Variants in JAK2 observed in about 807,000 individuals in gnomAD.
JAK2 encodes tyrosine-protein kinase JAK2.
In JAK2, 86 loss-of-function variants were observed where a neutral mutation model predicts 139.3. That is an observed-to-expected ratio of 0.62 (90% CI 0.52 to 0.74). The LOEUF (loss-of-function observed/expected upper bound fraction) is 0.74. Among genes scored for constraint, JAK2 ranks in the 30% least tolerant of loss-of-function variants. JAK2 has a pLI of 0.00. For missense variants in JAK2, 1,421 were observed against 1,360.3 expected (o/e 1.04, Z -0.70); for synonymous variants, 490 against 437.7 (o/e 1.12, Z -1.49).
chr9:5,084,162 A>G (rs1048517250), intron 19 of JAK2, among the ~76,000 whole-genome samples: 1 of 152,194 alleles, frequency 6.6e-6, no homozygotes, highest in Non-Finnish European at 1.5e-5. Context: ...AAATACATGT[A>G]CAATGAAATA....
chr9:5,001,778 C>G (rs1444212103), intron 2 of JAK2, among the ~76,000 whole-genome samples: 1 of 152,004 alleles, frequency 6.6e-6, no homozygotes, highest in East Asian at 1.9e-4. Flanking sequence ...AGTTGACAGA[C>G]TTTCCCAGGG....
intron 2 of JAK2, among the ~76,000 whole-genome samples, chr9:5,004,588 C>T (rs1821148995): frequency 6.6e-6 from 1 of 152,130 alleles, no homozygotes; most frequent in South Asian, 2.1e-4. Flanking sequence ...AATAATGCTG[C>T]AATGAGCATG....
intron 2 of JAK2, among the ~76,000 whole-genome samples, chr9:5,001,579 C>T (rs1203687075): frequency 3.4e-4 from 51 of 150,026 alleles, no homozygotes; most frequent in Non-Finnish European, 3.0e-5. Context: ...GCTCCTGGTT[C>T]TATGTTCTAT....
At chr9:5,041,431 C>A in intron 4 of JAK2, 1 of 626,788 alleles carries the variant, frequency 1.6e-6, no homozygotes, top group South Asian at 1.6e-5. Flanking sequence ...TGTTCATGTA[C>A]TTCCTGTGCA....
chr9:5,068,309 C>G (rs965434042), intron 10 of JAK2, among the ~76,000 whole-genome samples: 1 of 151,758 alleles, frequency 6.6e-6, no homozygotes, highest in African/African-American at 2.4e-5. Context: ...AATAGGTGAA[C>G]AAGTTCATAA....
chr9:5,003,382 C>A lies in JAK2; in HGVS notation c.-26+17360C>A, dbSNP rs139142955. On this transcript the variant is annotated intron_variant, in intron 2 of 24. Coordinates refer to ENST00000381652, the MANE Select transcript of JAK2 (RefSeq NM_004972.4). ...GTCTATCCCTCTCTTATTTAGCTAG[C>A]ATTTATTTTTTGTAGAAATGTTTTA... 4.7e-3 allele frequency among the ~76,000 whole-genome samples: 710 copies of A among 151,992 alleles called. 6 individuals are homozygous for A. The highest frequency in any genetic ancestry group is 0.016 in the African/African-American group (674 of 41,512).
chr9:5,050,472 T>C (rs192447714), intron 5 of JAK2, among the ~76,000 whole-genome samples: 145 of 152,262 alleles, frequency 9.5e-4, no homozygotes, highest in African/African-American at 3.5e-3. Flanking sequence ...GATCTTGCCA[T>C]GTTGCCCAGG....
chr9:5,031,514 G>A (rs182446479), intron 4 of JAK2, among the ~76,000 whole-genome samples: 4 of 152,210 alleles, frequency 2.6e-5, no homozygotes, highest in African/African-American at 7.2e-5. Flanking sequence ...TTGATTAGCT[G>A]TTTGAATAAA....
At chr9:5,069,885 G>T in intron 11 of JAK2, 40 bp from the exon 12 acceptor site, 1 of 1,354,964 alleles carries the variant, frequency 7.4e-7, no homozygotes, top group Non-Finnish European at 1.0e-6. Flanking sequence ...CATACTTTCA[G>T]TGTATTTTGA....
intron 8 of JAK2, among the ~76,000 whole-genome samples, chr9:5,057,580 CTTT>C (rs541931562): frequency 0.23 from 26,859 of 116,280 alleles, 2,141 homozygotes; most frequent in South Asian, 0.27. Context: ...ATTCTACTTT[CTTT>C]TTTTTTTTTT....
intron 2 of JAK2, among the ~76,000 whole-genome samples, chr9:4,995,170 C>T (rs979853481): frequency 2.6e-5 from 4 of 152,252 alleles, no homozygotes. Context: ...TTTTTATTCT[C>T]CTTTTTTAGG....
At chr9:5,062,740 C>T (rs773433657) in intron 8 of JAK2, among the ~76,000 whole-genome samples, 1 of 151,994 alleles carries the variant, frequency 6.6e-6, no homozygotes, top group Non-Finnish European at 1.5e-5. Flanking sequence ...TGGATGTTAT[C>T]AATCTTTTAA....
intron 2 of JAK2, among the ~76,000 whole-genome samples, chr9:5,015,067 A>G (rs1460763144): frequency 6.6e-6 from 1 of 152,234 alleles, no homozygotes; most frequent in Non-Finnish European, 1.5e-5. Context: ...TGCTTTTGCA[A>G]CATTGTATTT....
At chr9:4,999,526 A>G (rs987516425) in intron 2 of JAK2, among the ~76,000 whole-genome samples, 7 of 152,236 alleles carry the variant, frequency 4.6e-5, no homozygotes, top group Non-Finnish European at 1.0e-4. Context: ...AGAAGGACAG[A>G]ACTAATAGGA....
intron 2 of JAK2, among the ~76,000 whole-genome samples, chr9:5,015,955 G>A (rs969442923): frequency 2.6e-5 from 4 of 152,158 alleles, no homozygotes; most frequent in African/African-American, 7.2e-5. Flanking sequence ...TAGATTATAA[G>A]TGCAAAATAC....
Position 5,101,625 on chromosome 9 carries a change from G to A in JAK2, c.3059+10714G>A, listed in dbSNP as rs1470358071. Among the ~76,000 whole-genome samples, 3 of 152,244 alleles carry A rather than the reference G, an allele frequency of 2.0e-5. No individual in the cohort carries two copies. The East Asian group carries it at 5.8e-4, about 29-fold the overall frequency. On this transcript the variant is annotated intron_variant, in intron 22 of 24. Coordinates refer to ENST00000381652, the MANE Select transcript of JAK2 (RefSeq NM_004972.4). ...CCTAAGTGGGAGACACCTCCCAGTA[G>A]AGGCCAACTGACACCTCATACAGGT... is the stretch of plus-strand genomic sequence containing the variant.
At chr9:5,045,138 A>T (rs1816913092) in intron 5 of JAK2, among the ~76,000 whole-genome samples, 1 of 152,206 alleles carries the variant, frequency 6.6e-6, no homozygotes, top group African/African-American at 2.4e-5. Context: ...TCATTAAATA[A>T]CTTGTTTTTA....
rs764878388 is a variant in JAK2 at position 5,123,066 on chromosome 9, G to C, written c.3122G>C (p.Gly1041Ala). Residue 1041 changes from glycine (G) to alanine (A), a missense_variant, in exon 23 of 25, where the codon GGA becomes GCA. Transcript: ENST00000381652. ...GTGGCCTCAGATGTTTGGAGCTTTG[G>C]AGTGGTTCTGTATGAACTTTTCACA... ...FSVASDVWSF[G>A]VVLYELFTYI... The C allele has an allele frequency of 1.9e-6, 3 of 1,612,058 alleles. No homozygotes were observed. Among genetic ancestry groups the C allele is most frequent in the Non-Finnish European group, 2.5e-6 (3 of 1,178,662 alleles).
intron 22 of JAK2, among the ~76,000 whole-genome samples, chr9:5,117,820 C>CGTCA (rs1252499335): frequency 6.6e-6 from 1 of 152,090 alleles, no homozygotes; most frequent in African/African-American, 2.4e-5. Flanking sequence ...TTGAGAACTA[C>CGTCA]TGACAGAGGG....
Sources: gnomAD v4.1 joint callset for allele counts (sites outside exome capture counted in the v4.1 genomes callset) on GRCh38, gnomAD v4.1.1 for gene constraint, MANE v1.5 for transcripts, NCBI Gene and HGNC (gene_info 2026-07-23, HGNC 2026-07-21) for gene names.